Variants in GADL1 observed in about 807,000 individuals in gnomAD.
GADL1 encodes GAD like acidic amino acid decarboxylase 1, also known as acidic amino acid decarboxylase GADL1.
GADL1 carries 71 observed loss-of-function variants against 69.5 expected under a neutral mutation model. The observed-to-expected ratio is 1.02, with a 90% confidence interval of 0.84 to 1.25. The LOEUF is 1.25. GADL1 is among the 50% of genes most tolerant of loss of function. GADL1 has a pLI of 0.00. For synonymous variants in GADL1, 254 were observed against 214.4 expected, an observed-to-expected ratio of 1.18 and a Z score of -1.62; for missense variants, 737 against 631.8, an observed-to-expected ratio of 1.17 and a Z score of -1.79.
At chr3:30,808,233 C>T (rs775435234) in intron 11 of GADL1, among the ~76,000 whole-genome samples, 1 of 150,200 alleles carries the variant, frequency 6.7e-6, no homozygotes, top group Non-Finnish European at 1.5e-5. Flanking sequence ...CAGTGGCCTA[C>T]GCCTGTAATC....
intron 1 of GADL1, among the ~76,000 whole-genome samples, chr3:30,888,971 A>G (rs893893039): frequency 1.3e-5 from 2 of 151,738 alleles, no homozygotes; most frequent in African/African-American, 4.8e-5. Flanking sequence ...GTATAATATT[A>G]AAAGTTTACT....
At chr3:30,848,645 A>T (rs2125530973) in intron 6 of GADL1, among the ~76,000 whole-genome samples, 1 of 152,302 alleles carries the variant, frequency 6.6e-6, no homozygotes, top group East Asian at 1.9e-4. Context: ...CTAGAATCAC[A>T]CAAGAATAGG....
intron 13 of GADL1, among the ~76,000 whole-genome samples, chr3:30,781,173 T>C (rs1052985063): frequency 2.7e-5 from 4 of 150,788 alleles, no homozygotes; most frequent in Non-Finnish European, 5.9e-5. Flanking sequence ...TGCATTGTCA[T>C]AATCTTTAAA....
At chr3:30,827,051 T>C (rs1358902013) in intron 11 of GADL1, among the ~76,000 whole-genome samples, 1 of 151,924 alleles carries the variant, frequency 6.6e-6, no homozygotes, top group Non-Finnish European at 1.5e-5. Flanking sequence ...GGTCATGCTT[T>C]GAGACTTGAA....
chr3:30,860,156 C>T (rs1393322381), intron 2 of GADL1, among the ~76,000 whole-genome samples: 3 of 151,904 alleles, frequency 2.0e-5, no homozygotes, highest in Admixed American at 6.6e-5. Flanking sequence ...TTACATTCCA[C>T]ATCTGAGCTC....
chr3:30,793,326 C>T (rs1393754), intron 12 of GADL1, among the ~76,000 whole-genome samples: 125,810 of 152,078 alleles, frequency 0.83, 52,320 homozygotes, highest in African/African-American at 0.9. Flanking sequence ...CTAGGGATGA[C>T]TTATTCCTCG....
At chr3:30,772,012 C>T (rs1696428768) in intron 14 of GADL1, among the ~76,000 whole-genome samples, 3 of 151,540 alleles carry the variant, frequency 2.0e-5, no homozygotes, top group Non-Finnish European at 2.9e-5. Context: ...GATGTCTTCA[C>T]TGTGAGGTTT....
intron 12 of GADL1, chr3:30,798,906 C>A (rs2125505829): frequency 6.6e-6 from 1 of 152,322 alleles, no homozygotes; most frequent in African/African-American, 2.4e-5. Flanking sequence ...CAGTCAAATT[C>A]TAAAGTTCCA....
chr3:30,889,754 A>C (rs1698762232), intron 1 of GADL1, among the ~76,000 whole-genome samples: 1 of 152,228 alleles, frequency 6.6e-6, no homozygotes, highest in African/African-American at 2.4e-5. Flanking sequence ...GCAAATTTAG[A>C]AAATTAGCTG....
chr3:30,849,906 G>A, intron 6 of GADL1, 90 bp downstream of exon 6: 1 of 763,818 alleles, frequency 1.3e-6, no homozygotes, highest in Non-Finnish European at 2.3e-6. Context: ...CATGGGTATA[G>A]GACAAAATCA....
intron 1 of GADL1, among the ~76,000 whole-genome samples, chr3:30,868,097 T>C (rs776975144): frequency 6.6e-6 from 1 of 152,076 alleles, no homozygotes; most frequent in Admixed American, 6.6e-5. Context: ...AAACTTTTCC[T>C]GAGAGTGACT....
intron 14 of GADL1, among the ~76,000 whole-genome samples, chr3:30,748,760 G>A (rs961058122): frequency 6.6e-6 from 1 of 152,190 alleles, no homozygotes; most frequent in Admixed American, 6.5e-5. Flanking sequence ...GTGGCAGCTA[G>A]AATTTTTAAC....
At chr3:30,735,565 G>A (rs928750210) in intron 14 of GADL1, among the ~76,000 whole-genome samples, 6 of 152,194 alleles carry the variant, frequency 3.9e-5, no homozygotes, top group African/African-American at 1.2e-4. Context: ...TTCCATTTAT[G>A]TGGCATTCTG....
chr3:30,841,150 A>G (rs553848880), intron 8 of GADL1, among the ~76,000 whole-genome samples: 1 of 152,172 alleles, frequency 6.6e-6, no homozygotes, highest in Admixed American at 6.5e-5. Context: ...CTAGGCCTGA[A>G]GCTACTGAGA....
chr3:30,787,851 G>A (rs1696829411), intron 12 of GADL1, among the ~76,000 whole-genome samples: 1 of 152,060 alleles, frequency 6.6e-6, no homozygotes, highest in African/African-American at 2.4e-5. Context: ...ATTTTAGGAA[G>A]GCCATTCTAT....
In GADL1 at chr3:30,780,372, G is replaced by GGAA. The variant is rs1289725008; in HGVS notation, c.1303-2107_1303-2105dup. 5.3e-5 allele frequency among the ~76,000 whole-genome samples: 8 copies of GGAA among 152,282 alleles called. No individual in the cohort carries two copies. The South Asian group carries it at 1.0e-3, about 20-fold the overall frequency. On this transcript the variant is annotated intron_variant, in intron 13 of 14. Coordinates refer to ENST00000282538, the MANE Select transcript of GADL1 (RefSeq NM_207359.3). ...TGAAGAGGTCTAGACCTCAGTCCTG[G>GGAA]GAAGGGATGGACTCTCCCTTGGGCG...
chr3:30,856,366 T>A (rs1698230936), intron 3 of GADL1, among the ~76,000 whole-genome samples: 1 of 152,124 alleles, frequency 6.6e-6, no homozygotes. Context: ...TAAGCTAGAA[T>A]GGTGCCTCAG....
chr3:30,888,177 C>T (rs572097886), intron 1 of GADL1, among the ~76,000 whole-genome samples: 2 of 152,146 alleles, frequency 1.3e-5, no homozygotes, highest in South Asian at 2.1e-4. Flanking sequence ...TATGCAGATG[C>T]AGAAACTGCA....
chr3:30,807,094 TAAG>T (rs748112161), intron 11 of GADL1, among the ~76,000 whole-genome samples: 5 of 152,208 alleles, frequency 3.3e-5, no homozygotes, highest in Non-Finnish European at 5.9e-5. Flanking sequence ...CCATCATACA[TAAG>T]TATTATGAAA....
Sources: allele counts gnomAD v4.1 joint callset (sites outside exome capture counted in the v4.1 genomes callset), GRCh38; gene constraint gnomAD v4.1.1; transcripts MANE v1.5; gene names NCBI Gene and HGNC (gene_info 2026-07-23, HGNC 2026-07-21).